Variants in TYW1 observed in about 807,000 individuals in gnomAD.
The protein encoded by TYW1 is S-adenosyl-L-methionine-dependent tRNA 4-demethylwyosine synthase TYW1.
A neutral mutation model predicts 96.2 loss-of-function variants in TYW1; 46 were observed. That is an observed-to-expected ratio of 0.48 (90% CI 0.38 to 0.61). The LOEUF is 0.61. TYW1 is among the 20% of genes least tolerant of loss of function. TYW1 has a pLI of 0.00. For synonymous variants in TYW1, 274 were observed against 323.0 expected (o/e 0.85, Z 1.63); for missense variants, 684 against 909.6 (o/e 0.75, Z 3.19).
At chr7:67,178,299 G>A (rs1254063741) in intron 13 of TYW1, among the ~76,000 whole-genome samples, 1 of 152,212 alleles carries the variant, frequency 6.6e-6, no homozygotes, top group Non-Finnish European at 1.5e-5. Context: ...ATACAATGTG[G>A]CCATAAAGAT....
intron 12 of TYW1, among the ~76,000 whole-genome samples, chr7:67,113,451 A>G (rs1379565326): frequency 6.6e-6 from 1 of 152,066 alleles, no homozygotes; most frequent in East Asian, 1.9e-4. Context: ...GATCATCCGT[A>G]TTCTCTTGGA....
At chr7:67,001,478 G>A (rs560707656) in intron 3 of TYW1, among the ~76,000 whole-genome samples, 190 of 151,598 alleles carry the variant, frequency 1.3e-3, no homozygotes, top group African/African-American at 4.2e-3. Flanking sequence ...CTGGAGTGCA[G>A]TGGCGCGATC....
intron 14 of TYW1, among the ~76,000 whole-genome samples, 198 bp from the exon 15 acceptor site, chr7:67,194,972 A>G (rs1397382976): frequency 1.4e-5 from 2 of 146,302 alleles, no homozygotes; most frequent in Non-Finnish European, 3.0e-5. Context: ...CAAGAGCATC[A>G]GCCTGCTGTC....
At chr7:67,114,671 CT>C (rs1256425121) in intron 12 of TYW1, among the ~76,000 whole-genome samples, 1 of 152,124 alleles carries the variant, frequency 6.6e-6, no homozygotes, top group South Asian at 2.1e-4. Flanking sequence ...ATGTAAGACT[CT>C]TTTGCTTTTT....
intron 9 of TYW1, among the ~76,000 whole-genome samples, chr7:67,063,909 T>C (rs1202645207): frequency 1.3e-5 from 2 of 152,232 alleles, no homozygotes; most frequent in African/African-American, 4.8e-5. Context: ...CCGTATTCTG[T>C]ATATTAACAA....
intron 10 of TYW1, among the ~76,000 whole-genome samples, chr7:67,069,123 T>A (rs1795959210): frequency 6.6e-6 from 1 of 152,232 alleles, no homozygotes; most frequent in African/African-American, 2.4e-5. Flanking sequence ...TTATAAATGC[T>A]TATAATAACT....
At chr7:67,098,517 G>T (rs769831678) in intron 11 of TYW1, 24 bp from the exon 12 acceptor site, 16 of 1,535,348 alleles carry the variant, frequency 1.0e-5, no homozygotes, top group Non-Finnish European at 1.3e-5. Context: ...TATGTAGCTG[G>T]GTCCTTCTCA....
At position 67,018,130 on chromosome 7, in the gene TYW1, A is replaced by G. The variant is rs1469633565; in HGVS notation, c.848A>G (p.His283Arg). The G allele has an allele frequency of 1.9e-6, 3 of 1,613,456 alleles. No individual in the cohort carries two copies. The highest frequency in any genetic ancestry group is 1.3e-5 in the African/African-American group (1 of 74,874). The change falls in exon 6 of 16, where the codon CAT (histidine) becomes CGT (arginine). Residue 283 changes from histidine to arginine, a missense_variant. Transcript: ENST00000359626. ...TCTCATGAGCAGGATGAATTGCATCATAGAGACACCGAGGTATACCGCCTG... is the reference window on the plus strand; with the variant it reads ...TCTCATGAGCAGGATGAATTGCATCGTAGAGACACCGAGGTATACCGCCTG... ...EGSHEQDELHHRDTEEEEPFE... is the reference protein window; with the variant it reads ...EGSHEQDELHRRDTEEEEPFE...
intron 11 of TYW1, among the ~76,000 whole-genome samples, 155 bp downstream of exon 11, chr7:67,083,694 C>T (rs1434548749): frequency 6.6e-6 from 1 of 152,178 alleles, no homozygotes; most frequent in African/African-American, 2.4e-5. Flanking sequence ...TATATTTTGC[C>T]TTTTTAGCTT....
intron 13 of TYW1, among the ~76,000 whole-genome samples, chr7:67,145,382 C>G (rs1798578035): frequency 6.6e-6 from 1 of 152,000 alleles, no homozygotes; most frequent in African/African-American, 2.4e-5. Context: ...ATCTCCTGAC[C>G]TCTTGATCCA....
chr7:67,043,642 C>A (rs984962642), intron 7 of TYW1, among the ~76,000 whole-genome samples: 4 of 152,118 alleles, frequency 2.6e-5, no homozygotes, highest in Non-Finnish European at 5.9e-5. Flanking sequence ...GTGTTTACTT[C>A]ACCTAGAAAC....
intron 9 of TYW1, among the ~76,000 whole-genome samples, chr7:67,064,342 GAGAT>G (rs1477968738): frequency 6.6e-6 from 1 of 152,202 alleles, no homozygotes; most frequent in Non-Finnish European, 1.5e-5. Flanking sequence ...TACTGGTAGA[GAGAT>G]AGACATATAA....
In TYW1 at chr7:67,140,121, C is replaced by T. The variant is rs541946684; in HGVS notation, c.1698+22503C>T. 8.6e-4 allele frequency among the ~76,000 whole-genome samples: 130 copies of T among 152,016 alleles called. 1 individual carries two copies. The highest frequency in any genetic ancestry group is 1.2e-3 in the Non-Finnish European group (83 of 67,956). On this transcript the variant is annotated intron_variant, in intron 13 of 15. Coordinates refer to ENST00000359626, the MANE Select transcript of TYW1 (RefSeq NM_018264.4). Reference sequence around the variant, plus strand: ...TGCAGGGGAACCCCACTTTTTGAAGCCATCAGCTCTCGTGAGACTTATTCA... The same window carrying T: ...TGCAGGGGAACCCCACTTTTTGAAGTCATCAGCTCTCGTGAGACTTATTCA...
intron 7 of TYW1, 130 bp downstream of exon 7, chr7:67,025,152 T>G (rs1223397289): frequency 2.5e-5 from 37 of 1,470,962 alleles, no homozygotes; most frequent in Non-Finnish European, 2.7e-6. Flanking sequence ...CTTGAGAGTT[T>G]TATAATTTTT....
rs183295014 is a variant in TYW1, at chr7:67,007,044, G to T, written c.274-2539G>T. ...AGGGGAGGGCGGCAAGCTGAGGTAG[G>T]AAAGTAGAGTCTGGAGACAGAGCCT... On this transcript the variant is annotated intron_variant, in intron 3 of 15. Coordinates refer to ENST00000359626, the MANE Select transcript of TYW1 (RefSeq NM_018264.4). Among the ~76,000 whole-genome samples the T allele has an allele frequency of 1.2e-3, 180 of 146,650 alleles. 3 individuals are homozygous for T. The highest frequency in any genetic ancestry group is 1.1e-3 in the Non-Finnish European group (77 of 67,194).
intron 15 of TYW1, among the ~76,000 whole-genome samples, chr7:67,210,923 T>C (rs1283026903): frequency 7.1e-6 from 1 of 139,876 alleles, no homozygotes; most frequent in Non-Finnish European, 1.5e-5. Context: ...TATCCAACCA[T>C]CCATCCATCC....
intron 13 of TYW1, among the ~76,000 whole-genome samples, chr7:67,154,478 A>G (rs923373634): frequency 5.2e-5 from 6 of 115,772 alleles, no homozygotes; most frequent in African/African-American, 2.3e-4. Context: ...GGATTTGATA[A>G]GCAGTTTTTT....
intron 13 of TYW1, among the ~76,000 whole-genome samples, chr7:67,177,155 A>G (rs1173667778): frequency 1.3e-5 from 2 of 152,206 alleles, no homozygotes; most frequent in South Asian, 2.1e-4. Context: ...TATTTATTAC[A>G]GTGGACTATC....
rs759751307 is a variant in TYW1, at chr7:67,018,145, T to TATA, written c.861+3_861+5dup. 19 of 1,610,760 alleles carry TATA rather than the reference T, an allele frequency of 1.2e-5. No individual in the cohort carries two copies. Among genetic ancestry groups the TATA allele is most frequent in the Non-Finnish European group, 1.6e-5 (19 of 1,177,396 alleles). On this transcript the variant is annotated splice_region_variant and intron_variant, in intron 6 of 15. Coordinates refer to ENST00000359626, the MANE Select transcript of TYW1 (RefSeq NM_018264.4). ...GAATTGCATCATAGAGACACCGAGGTATACCGCCTGTGTGTTCATCTCTCG... is the reference window on the plus strand; with the variant it reads ...GAATTGCATCATAGAGACACCGAGGTATAATACCGCCTGTGTGTTCATCTCTCG...
Sources: gnomAD v4.1 joint callset for allele counts (sites outside exome capture counted in the v4.1 genomes callset) on GRCh38, gnomAD v4.1.1 for gene constraint, MANE v1.5 for transcripts, NCBI Gene and HGNC (gene_info 2026-07-23, HGNC 2026-07-21) for gene names.